The following DLGAP1 variants were observed in gnomAD, a reference collection of about 807,000 sequenced individuals.
DLGAP1 encodes the protein DLG associated protein 1.
In DLGAP1, 11 loss-of-function variants were observed where a neutral mutation model predicts 90.8. The observed-to-expected ratio is 0.12, with a 90% CI of 0.08 to 0.20. The LOEUF (loss-of-function observed/expected upper bound fraction) is 0.20. Ranked by LOEUF, DLGAP1 falls within the 10% of genes least tolerant of loss-of-function variation. DLGAP1 has a pLI of 1.00. For missense variants in DLGAP1, 1,050 were observed against 1,333.8 expected (o/e 0.79, Z 3.31); for synonymous variants, 558 against 540.7 (o/e 1.03, Z -0.44).
chr18:3,782,848 T>G (rs1312805259), intron 5 of DLGAP1, among the ~76,000 whole-genome samples: 1 of 152,182 alleles, frequency 6.6e-6, no homozygotes, highest in Non-Finnish European at 1.5e-5. Flanking sequence ...AAAGGACACC[T>G]CAAGAAATTG....
chr18:4,310,684 G>T (rs1296846604), intron 1 of DLGAP1, among the ~76,000 whole-genome samples: 1 of 152,144 alleles, frequency 6.6e-6, no homozygotes. Flanking sequence ...GTGTTTAGTT[G>T]TCTGGCATAT....
At chr18:3,595,484 C>T (rs1425525762) in intron 7 of DLGAP1, among the ~76,000 whole-genome samples, 1 of 151,860 alleles carries the variant, frequency 6.6e-6, no homozygotes, top group Non-Finnish European at 1.5e-5. Context: ...AGGACACAGA[C>T]TGGGAAACAG....
At chr18:3,607,748 C>T (rs1620138) in intron 7 of DLGAP1, 5,279 of 152,218 alleles carry the variant, frequency 0.035, 328 homozygotes, top group East Asian at 0.28. Context: ...CATAACCATT[C>T]TCTCTATCCT....
At chr18:3,876,137 C>T (rs1015697177) in intron 4 of DLGAP1, among the ~76,000 whole-genome samples, 2 of 152,074 alleles carry the variant, frequency 1.3e-5, no homozygotes, top group Non-Finnish European at 2.9e-5. Context: ...CTAGCTGGCA[C>T]GGGCTAACCC....
At chr18:4,315,903 G>A (rs1447581417) in intron 1 of DLGAP1, among the ~76,000 whole-genome samples, 1 of 152,194 alleles carries the variant, frequency 6.6e-6, no homozygotes, top group African/African-American at 2.4e-5. Context: ...TGAACTGATG[G>A]TTTTCCCATG....
chr18:3,996,173 C>T (rs1387547650), intron 3 of DLGAP1, among the ~76,000 whole-genome samples: 2 of 151,944 alleles, frequency 1.3e-5, no homozygotes, highest in Non-Finnish European at 2.9e-5. Context: ...ATCTAAGTGG[C>T]TTTGTATTAT....
At chr18:4,090,926 G>T (rs2075764878) in intron 2 of DLGAP1, among the ~76,000 whole-genome samples, 1 of 152,210 alleles carries the variant, frequency 6.6e-6, no homozygotes, top group South Asian at 2.1e-4. Flanking sequence ...AAAAGAATGA[G>T]ACCACATCCT....
At chr18:3,623,097 C>G (rs2058158919) in intron 7 of DLGAP1, among the ~76,000 whole-genome samples, 1 of 152,052 alleles carries the variant, frequency 6.6e-6, no homozygotes, top group African/African-American at 2.4e-5. Flanking sequence ...GAGCCACCAG[C>G]CTGGCCTGAT....
At chr18:3,716,388 T>C (rs949043463) in intron 7 of DLGAP1, among the ~76,000 whole-genome samples, 3 of 151,988 alleles carry the variant, frequency 2.0e-5, no homozygotes, top group Non-Finnish European at 4.4e-5. Context: ...TTTTTAAAAT[T>C]ATCTGGGCAT....
chr18:4,289,771 T>C (rs2079800600), intron 1 of DLGAP1, among the ~76,000 whole-genome samples: 1 of 152,210 alleles, frequency 6.6e-6, no homozygotes, highest in African/African-American at 2.4e-5. Flanking sequence ...CCTAGAATTA[T>C]GGGTTTAAAT....
At chr18:4,215,151 T>C (rs941398472) in intron 1 of DLGAP1, among the ~76,000 whole-genome samples, 3 of 152,124 alleles carry the variant, frequency 2.0e-5, no homozygotes, top group African/African-American at 7.2e-5. Context: ...TTATATACCA[T>C]AGAGCCAAGA....
chr18:4,049,271 C>T (rs576830668), intron 2 of DLGAP1, among the ~76,000 whole-genome samples: 14 of 152,096 alleles, frequency 9.2e-5, no homozygotes, highest in African/African-American at 2.9e-4. Flanking sequence ...TAGAACTTCC[C>T]GCCACACAGA....
intron 2 of DLGAP1, among the ~76,000 whole-genome samples, chr18:4,058,624 C>G (rs979746950): frequency 3.3e-5 from 5 of 152,194 alleles, no homozygotes; most frequent in South Asian, 4.1e-4. Flanking sequence ...CCAGAAGTTC[C>G]TTCTTTATGT....
chr18:3,690,574 A>G (rs2060858691), intron 7 of DLGAP1, among the ~76,000 whole-genome samples: 1 of 152,162 alleles, frequency 6.6e-6, no homozygotes, highest in Admixed American at 6.5e-5. Context: ...CCAGAGCAAT[A>G]AAGTGATGAA....
intron 5 of DLGAP1, among the ~76,000 whole-genome samples, chr18:3,767,152 T>G (rs1166028443): frequency 6.6e-6 from 1 of 152,114 alleles, no homozygotes; most frequent in African/African-American, 2.4e-5. Context: ...CTTGGCAATA[T>G]AGATGGAAGG....
At chr18:4,165,718 C>G (rs1365315877) in intron 1 of DLGAP1, among the ~76,000 whole-genome samples, 1 of 152,100 alleles carries the variant, frequency 6.6e-6, no homozygotes, top group Admixed American at 6.6e-5. Context: ...AATGCTGGTA[C>G]CAGTAGACTG....
chr18:3,623,776 C>CAA (rs56352605), intron 7 of DLGAP1, among the ~76,000 whole-genome samples: 81 of 92,274 alleles, frequency 8.8e-4, no homozygotes, highest in African/African-American at 2.9e-3. Context: ...GACTCCGTCT[C>CAA]AAAAAAAAAA....
chr18:3,641,072 C>T (rs1450901576), intron 7 of DLGAP1, among the ~76,000 whole-genome samples: 1 of 152,082 alleles, frequency 6.6e-6, no homozygotes, highest in African/African-American at 2.4e-5. Flanking sequence ...TCATGAGGCA[C>T]AGCAAACAAG....
At chr18:3,900,143 G>C (rs2071749593) in intron 3 of DLGAP1, among the ~76,000 whole-genome samples, 6 of 152,174 alleles carry the variant, frequency 3.9e-5, no homozygotes, top group Admixed American at 3.9e-4. Flanking sequence ...ATAAGTAATG[G>C]AGGACTGTAC....
Sources: gnomAD v4.1 joint callset for allele counts (sites outside exome capture counted in the v4.1 genomes callset) on GRCh38, gnomAD v4.1.1 for gene constraint, MANE v1.5 for transcripts, NCBI Gene and HGNC (gene_info 2026-07-23, HGNC 2026-07-21) for gene names.